TULP3: variants seen among roughly 807,000 people sequenced by gnomAD.
TULP3 encodes tubby-related protein 3.
A neutral mutation model predicts 50.7 loss-of-function variants in TULP3; 38 were observed. The observed-to-expected ratio is 0.75, with a 90% CI of 0.58 to 0.98. TULP3 has a LOEUF of 0.98. TULP3 is among the 50% of genes least tolerant of loss of function. TULP3 has a pLI of 0.00. For missense variants in TULP3, 550 were observed against 568.0 expected, an observed-to-expected ratio of 0.97 and a Z score of 0.32; for synonymous variants, 183 against 196.6, an observed-to-expected ratio of 0.93 and a Z score of 0.58.
intron 1 of TULP3, among the ~76,000 whole-genome samples, chr12:2,899,318 C>T (rs574010301): frequency 5.8e-4 from 75 of 129,830 alleles, no homozygotes; most frequent in South Asian, 3.7e-3. Flanking sequence ...GCAATCCAGC[C>T]TGGGCAACAA....
Position 2,940,806 on chromosome 12 carries a change from G to A in TULP3, c.*1362G>A. 1 of 1,302,560 alleles carries A rather than the reference G, an allele frequency of 7.7e-7. No individual in the cohort carries two copies. Among genetic ancestry groups the A allele is most frequent in the Non-Finnish European group, 1.1e-6 (1 of 951,530 alleles). 80.7% of individuals were successfully genotyped at this position (1,302,560 alleles called of 1,614,324 possible). ...CCACCTGCTGGGTGAGGACGAGACT[G>A]TTTCCATCTCAGGCATGTATCCCAC... is the stretch of plus-strand genomic sequence containing the variant. On this transcript the variant is annotated 3_prime_UTR_variant, in exon 11 of 11. Coordinates refer to ENST00000448120, the MANE Select transcript of TULP3 (RefSeq NM_003324.5).
At chr12:2,937,992 T>G in intron 9 of TULP3, 122 bp from the exon 10 acceptor site, 12 of 1,124,956 alleles carry the variant, frequency 1.1e-5, no homozygotes, top group Non-Finnish European at 1.3e-5. Flanking sequence ...TCTTCATTGT[T>G]GGCTTTCATT....
In TULP3 at chr12:2,940,575, G is replaced by A. The variant is rs763744069; in HGVS notation, c.*1131G>A. ...ATGCAGGAGCTCTGTGAGCTCCACC[G>A]TCAGCACCATTCAGCTGCATCCCTT... On this transcript the variant is annotated 3_prime_UTR_variant, in exon 11 of 11. Coordinates refer to ENST00000448120, the MANE Select transcript of TULP3 (RefSeq NM_003324.5). 4.2e-5 allele frequency: 65 copies of A among 1,551,542 alleles called. No homozygotes were observed. Among genetic ancestry groups the A allele is most frequent in the Middle Eastern group, 1.7e-4 (1 of 6,014 alleles).
intron 1 of TULP3, among the ~76,000 whole-genome samples, chr12:2,893,926 G>A (rs2098173829): frequency 1.3e-5 from 2 of 152,064 alleles, no homozygotes; most frequent in Non-Finnish European, 2.9e-5. Context: ...TTACAGGTGT[G>A]AGCGACCAGG....
rs892912254 is a variant in TULP3 at position 2,939,066 on chromosome 12, A to T, written c.1196-245A>T. Among the ~76,000 whole-genome samples the T allele has an allele frequency of 6.6e-6, 1 of 151,920 alleles. No individual in the cohort carries two copies. Among genetic ancestry groups the T allele is most frequent in the Non-Finnish European group, 1.5e-5 (1 of 67,982 alleles). ...ACATAGTGAGACCCTATCTTCACAA[A>T]AAGTAAAATATTAGCCAGGCGTGGT... On this transcript the variant is annotated intron_variant, in intron 10 of 10. Coordinates refer to ENST00000448120, the MANE Select transcript of TULP3 (RefSeq NM_003324.5). This position sits in a 1 kb window ranked among gnomAD's most constrained non-coding sequence, Gnocchi z 4.0.
chr12:2,919,240 C>T (rs955153194), intron 2 of TULP3, among the ~76,000 whole-genome samples: 3 of 152,134 alleles, frequency 2.0e-5, no homozygotes, highest in Admixed American at 2.0e-4. Context: ...GTCATTATAG[C>T]CTCCTGTGTA....
At chr12:2,913,852 G>A (rs1021427550) in intron 2 of TULP3, among the ~76,000 whole-genome samples, 3 of 151,652 alleles carry the variant, frequency 2.0e-5, no homozygotes, top group Non-Finnish European at 2.9e-5. Flanking sequence ...CTCATGATCC[G>A]CCTGCCTCGG....
chr12:2,906,064 A>T (rs2098182042), intron 1 of TULP3, among the ~76,000 whole-genome samples: 1 of 147,380 alleles, frequency 6.8e-6, no homozygotes, highest in South Asian at 2.2e-4. Flanking sequence ...AGAGTCTTGC[A>T]CTGTCACCTG....
At chr12:2,905,801 A>G (rs932655496) in intron 1 of TULP3, among the ~76,000 whole-genome samples, 2 of 151,842 alleles carry the variant, frequency 1.3e-5, no homozygotes, top group African/African-American at 4.8e-5. Flanking sequence ...AACTTTAGTC[A>G]TATGCCAGAA....
At chr12:2,926,450 A>T (rs1274378500) in intron 4 of TULP3, among the ~76,000 whole-genome samples, 1 of 152,194 alleles carries the variant, frequency 6.6e-6, no homozygotes, top group African/African-American at 2.4e-5. Flanking sequence ...TGGCCACTGC[A>T]CTCCCACCTG....
intron 2 of TULP3, among the ~76,000 whole-genome samples, chr12:2,913,529 G>A (rs546390682): frequency 6.6e-6 from 1 of 152,066 alleles, no homozygotes; most frequent in African/African-American, 2.4e-5. Context: ...CTCCCAAAGT[G>A]CTAGGATTAT....
chr12:2,921,042 AT>A, intron 3 of TULP3, 120 bp downstream of exon 3: 3 of 1,124,866 alleles, frequency 2.7e-6, no homozygotes, highest in Non-Finnish European at 3.8e-6. Flanking sequence ...AGGTACCTTC[AT>A]AAATCTTTAT....
chr12:2,890,891 A>G lies in TULP3; in HGVS notation c.-57A>G. 6.6e-7 allele frequency: 1 copy of G among 1,517,524 alleles called. No homozygotes were observed. Among genetic ancestry groups the G allele is most frequent in the Non-Finnish European group, 8.8e-7 (1 of 1,130,170 alleles). 94.0% of individuals were successfully genotyped at this position (1,517,524 alleles called of 1,614,324 possible). On this transcript the variant is annotated 5_prime_UTR_variant, in exon 1 of 11. Transcript: ENST00000448120. ...GACGCGGCGGCGTGCCAGCCTAGCCACTCTAGCGACGGCGGGGAAGAGTGT... is the reference window on the plus strand; with the variant it reads ...GACGCGGCGGCGTGCCAGCCTAGCCGCTCTAGCGACGGCGGGGAAGAGTGT...
At chr12:2,933,656 GGA>G in intron 7 of TULP3, 126 bp downstream of exon 7, 1 of 507,808 alleles carries the variant, frequency 2.0e-6, no homozygotes, top group South Asian at 4.1e-5. Context: ...AAAAGAAAAA[GGA>G]AAAAAAAAAA....
intron 1 of TULP3, among the ~76,000 whole-genome samples, chr12:2,894,538 A>AC (rs2098174273): frequency 1.4e-5 from 2 of 147,726 alleles, no homozygotes; most frequent in African/African-American, 5.0e-5. Flanking sequence ...CCGTCTCAAA[A>AC]ACACACACAC....
intron 9 of TULP3, 132 bp from the exon 10 acceptor site, chr12:2,937,982 T>C: frequency 2.8e-6 from 3 of 1,054,506 alleles, no homozygotes; most frequent in Non-Finnish European, 4.1e-6. Flanking sequence ...AAAAAACCTG[T>C]CTTCATTGTT....
At chr12:2,891,133 G>T in intron 1 of TULP3, 145 bp downstream of exon 1, 1 of 1,006,106 alleles carries the variant, frequency 9.9e-7, no homozygotes, top group Non-Finnish European at 1.4e-6. Context: ...GGCGGCGGGA[G>T]GCGACCCCCT....
chr12:2,932,947 T>TA (rs1235179348), intron 6 of TULP3, among the ~76,000 whole-genome samples: 4 of 151,654 alleles, frequency 2.6e-5, no homozygotes, highest in Non-Finnish European at 2.9e-5. Flanking sequence ...ATTTTTATTT[T>TA]TTATTTTTTT....
Position 2,940,299 on chromosome 12 carries a change from A to G in TULP3, c.*855A>G. 6.9e-7 allele frequency: 1 copy of G among 1,439,156 alleles called. No homozygotes were observed. Among genetic ancestry groups the G allele is most frequent in the Non-Finnish European group, 9.2e-7 (1 of 1,092,356 alleles). The allele number at this position is 1,439,156 out of a possible 1,614,324, so 89.1% of individuals were successfully genotyped here. On this transcript the variant is annotated 3_prime_UTR_variant, in exon 11 of 11. Transcript: ENST00000448120. ...CTTTGTCATTATCAAGAGAGATGGC[A>G]GTATTGACCATTTAGTTTAGTTAAA...
Sources: allele counts gnomAD v4.1 joint callset (sites outside exome capture counted in the v4.1 genomes callset), GRCh38; gene constraint gnomAD v4.1.1; non-coding constraint Gnocchi (gnomAD v3.1); transcripts MANE v1.5; gene names NCBI Gene and HGNC (gene_info 2026-07-23, HGNC 2026-07-21).